The following IAH1 variants were observed in gnomAD, a reference collection of about 807,000 sequenced individuals.
IAH1 encodes isoamyl acetate-hydrolyzing esterase 1 homolog.
IAH1 carries 24 observed loss-of-function variants against 26.7 expected under a neutral mutation model. The observed-to-expected ratio is 0.90, with a 90% CI of 0.65 to 1.26. The LOEUF is 1.26. Among genes scored for constraint, IAH1 ranks in the 50% most tolerant of loss-of-function variants. IAH1 has a pLI of 0.00. For synonymous variants in IAH1, 140 were observed against 118.5 expected, an observed-to-expected ratio of 1.18 and a Z score of -1.18; for missense variants, 300 against 299.9, an observed-to-expected ratio of 1.00 and a Z score of 0.00.
intron 3 of IAH1, among the ~76,000 whole-genome samples, chr2:9,480,132 A>T (rs1036918247): frequency 6.6e-6 from 1 of 152,116 alleles, no homozygotes; most frequent in Non-Finnish European, 1.5e-5. Context: ...TATATATAAC[A>T]GTAGATTACA....
At position 9,488,186 on chromosome 2, in the gene IAH1, CCA is replaced by C. The variant is rs768158053; in HGVS notation, c.605_606del (p.Pro202GlnfsTer4). The C allele has an allele frequency of 2.5e-6, 4 of 1,612,740 alleles. No individual in the cohort carries two copies. In the East Asian group the frequency reaches 6.7e-5, roughly 27 times the overall value. ...SYLSDGLHLS[P>X]KGNEFLFSHL... ...TTTATCAGATGGACTACATTTGTCT[CCA>C]AAGGGGAATGAATTTTTGTTCTCGC... On this transcript the variant is annotated frameshift_variant, in exon 6 of 6. Transcript: ENST00000497473. LOFTEE classifies it high-confidence loss of function.
downstream of IAH1, among the ~76,000 whole-genome samples, chr2:9,490,882 G>A (rs1027804763): frequency 2.0e-5 from 3 of 152,156 alleles, no homozygotes; most frequent in Admixed American, 2.0e-4. Flanking sequence ...TTATGGCTTG[G>A]GAAGGGGACA....
intron 3 of IAH1, 55 bp downstream of exon 3, chr2:9,478,425 G>T: frequency 2.1e-6 from 3 of 1,463,238 alleles, no homozygotes; most frequent in Non-Finnish European, 2.8e-6. Context: ...TTATGTTACA[G>T]CAAACTTGCA....
the IAH1 span, chr2:9,510,142 A>G: frequency 6.2e-7 from 1 of 1,613,966 alleles, no homozygotes; most frequent in Non-Finnish European, 8.5e-7. Context: ...CTTAAGGATC[A>G]TGCAAAGAAA....
intron 6 of IAH1, among the ~76,000 whole-genome samples, chr2:9,495,860 CTTTTT>C (rs34087915): frequency 2.9e-5 from 4 of 138,664 alleles, no homozygotes; most frequent in Non-Finnish European, 6.3e-5. Flanking sequence ...TACGTGTTAC[CTTTTT>C]TTTTTTTTTT....
the IAH1 span, among the ~76,000 whole-genome samples, chr2:9,509,467 C>T: frequency 6.6e-6 from 1 of 152,144 alleles, no homozygotes; most frequent in African/African-American, 2.4e-5. Flanking sequence ...ATGCCAGATA[C>T]TCCTACTAGG....
downstream of IAH1, chr2:9,492,796 A>G (rs1662269862): frequency 3.0e-6 from 3 of 1,011,192 alleles, no homozygotes; most frequent in African/African-American, 5.0e-5. Flanking sequence ...ATATCAGGCC[A>G]AACTTTGCTA....
the IAH1 span, among the ~76,000 whole-genome samples, chr2:9,508,719 G>A: frequency 1.3e-5 from 2 of 152,142 alleles, no homozygotes; most frequent in Admixed American, 1.3e-4. Flanking sequence ...GGGCAGAGCA[G>A]ACACAAAACA....
intron 4 of IAH1, among the ~76,000 whole-genome samples, chr2:9,484,187 G>A (rs1394615752): frequency 1.3e-5 from 2 of 152,132 alleles, no homozygotes; most frequent in African/African-American, 4.8e-5. Flanking sequence ...CCTCCCTGGC[G>A]CCTCAGAAGA....
At chr2:9,503,295 A>C in the IAH1 span, among the ~76,000 whole-genome samples, 1 of 152,200 alleles carries the variant, frequency 6.6e-6, no homozygotes, top group Non-Finnish European at 1.5e-5. Context: ...TTCACCAGAA[A>C]ACTGAAGTTT....
At chr2:9,490,425 G>C (rs1267801186), downstream of IAH1, 4 of 1,614,088 alleles carry the variant, frequency 2.5e-6, no homozygotes, top group African/African-American at 5.3e-5. Context: ...GGGATCACAG[G>C]GGCAGGCTGC....
the IAH1 span, among the ~76,000 whole-genome samples, chr2:9,509,030 G>C: frequency 6.6e-6 from 1 of 151,862 alleles, no homozygotes; most frequent in Non-Finnish European, 1.5e-5. Context: ...ATCACAAAAA[G>C]AACAGGAGGC....
chr2:9,494,467 C>A (rs1205733069), downstream of IAH1, among the ~76,000 whole-genome samples: 1 of 152,142 alleles, frequency 6.6e-6, no homozygotes, highest in Non-Finnish European at 1.5e-5. Context: ...CAGGCAGGGA[C>A]CTGAAAGCAC....
chr2:9,490,532 G>C (rs114255985), downstream of IAH1: 1 of 1,602,340 alleles, frequency 6.2e-7, no homozygotes, highest in Non-Finnish European at 8.5e-7. Flanking sequence ...CAAAGACATG[G>C]GTTCAATTGA....
At chr2:9,491,861 G>A (rs549240817), downstream of IAH1, among the ~76,000 whole-genome samples, 3 of 152,308 alleles carry the variant, frequency 2.0e-5, no homozygotes, top group South Asian at 2.1e-4. Context: ...ATCAAGGGTC[G>A]TGCCTTGTCC....
downstream of IAH1, chr2:9,490,445 G>A: frequency 1.9e-6 from 3 of 1,614,180 alleles, no homozygotes; most frequent in Non-Finnish European, 2.5e-6. Context: ...CAGGCGGCCT[G>A]GAGTCTGGGG....
chr2:9,496,890 A>G (rs1316702933), downstream of IAH1, among the ~76,000 whole-genome samples: 1 of 152,186 alleles, frequency 6.6e-6, no homozygotes, highest in Non-Finnish European at 1.5e-5. Context: ...ATGGCCTGAA[A>G]CTGCAGCAAG....
intron 2 of IAH1, among the ~76,000 whole-genome samples, chr2:9,477,519 T>TA: frequency 6.6e-6 from 1 of 152,234 alleles, no homozygotes; most frequent in Non-Finnish European, 1.5e-5. Context: ...ATGTGACTGG[T>TA]ATTCTCTGAG....
At chr2:9,480,026 C>A (rs947633233) in intron 3 of IAH1, among the ~76,000 whole-genome samples, 1 of 151,786 alleles carries the variant, frequency 6.6e-6, no homozygotes, top group African/African-American at 2.4e-5. Context: ...TCAGGCTGGT[C>A]TTGAACTCCT....
Sources: allele counts gnomAD v4.1 joint callset (sites outside exome capture counted in the v4.1 genomes callset), GRCh38; gene constraint gnomAD v4.1.1; transcripts MANE v1.5; gene names NCBI Gene and HGNC (gene_info 2026-07-23, HGNC 2026-07-21).